RERE: variants seen among roughly 807,000 people sequenced by gnomAD.
RERE encodes arginine-glutamic acid dipeptide repeats.
A neutral mutation model predicts 146.1 loss-of-function variants in RERE; 40 were observed. The ratio of observed to expected loss-of-function variants is 0.27; its 90% CI spans 0.21 to 0.36. The LOEUF (loss-of-function observed/expected upper bound fraction) is 0.36. Among genes scored for constraint, RERE ranks in the 10% least tolerant of loss-of-function variants. RERE has a pLI of 1.00. For synonymous variants in RERE, 1,003 were observed against 866.0 expected (o/e 1.16, Z -2.78); for missense variants, 1,933 against 2,138.7 (o/e 0.90, Z 1.90).
intron 2 of RERE, among the ~76,000 whole-genome samples, chr1:8,643,144 C>T (rs779519113): frequency 2.6e-5 from 4 of 152,116 alleles, no homozygotes; most frequent in Non-Finnish European, 5.9e-5. Flanking sequence ...ATTGAAAATC[C>T]TAGTGGGCTC....
At chr1:8,452,053 T>C (rs998687562) in intron 11 of RERE, among the ~76,000 whole-genome samples, 8 of 152,224 alleles carry the variant, frequency 5.3e-5, no homozygotes, top group Non-Finnish European at 1.0e-4. Flanking sequence ...AACAACTTGC[T>C]ACTAACCAAC....
At chr1:8,689,426 C>T (rs981170651) in intron 1 of RERE, among the ~76,000 whole-genome samples, 5 of 152,164 alleles carry the variant, frequency 3.3e-5, no homozygotes, top group African/African-American at 1.2e-4. Context: ...ATCAGCAAGA[C>T]TGAGTAACAA....
At chr1:8,363,446 C>T (rs1271502732) in intron 15 of RERE, among the ~76,000 whole-genome samples, 1 of 152,152 alleles carries the variant, frequency 6.6e-6, no homozygotes, top group Non-Finnish European at 1.5e-5. Context: ...CTGCCAGCAG[C>T]CTCAACGGCA....
chr1:8,613,863 CAA>C (rs2124191270), intron 4 of RERE, among the ~76,000 whole-genome samples: 1 of 152,102 alleles, frequency 6.6e-6, no homozygotes, highest in East Asian at 1.9e-4. Flanking sequence ...AAAAGGAAGA[CAA>C]GTGTGAACTT....
chr1:8,498,366 A>G (rs1381672308), intron 8 of RERE, among the ~76,000 whole-genome samples: 3 of 151,414 alleles, frequency 2.0e-5, no homozygotes, highest in East Asian at 1.9e-4. Flanking sequence ...TCTCAAAAAT[A>G]AAATAAAATT....
At chr1:8,607,548 T>C (rs1350894410) in intron 4 of RERE, among the ~76,000 whole-genome samples, 1 of 102,820 alleles carries the variant, frequency 9.7e-6, no homozygotes, top group South Asian at 3.3e-4. Context: ...TTTTTTTTTT[T>C]TTTTTTTTTT....
At chr1:8,471,109 G>A (rs373894872) in intron 10 of RERE, among the ~76,000 whole-genome samples, 70 of 152,090 alleles carry the variant, frequency 4.6e-4, no homozygotes, top group African/African-American at 1.5e-3. Flanking sequence ...CAGCCACAGC[G>A]CCCAGCCTTT....
chr1:8,586,061 G>A (rs1646424028), intron 4 of RERE, among the ~76,000 whole-genome samples: 1 of 152,096 alleles, frequency 6.6e-6, no homozygotes, highest in African/African-American at 2.4e-5. Flanking sequence ...AGAAATGCAG[G>A]GGTCAGAGGC....
At chr1:8,661,027 A>C (rs764534331) in intron 1 of RERE, among the ~76,000 whole-genome samples, 1 of 152,184 alleles carries the variant, frequency 6.6e-6, no homozygotes, top group Non-Finnish European at 1.5e-5. Context: ...GAGAGAGACC[A>C]CCAACAAAAG....
intron 4 of RERE, among the ~76,000 whole-genome samples, chr1:8,575,436 C>T (rs1646279692): frequency 6.9e-6 from 1 of 145,130 alleles, no homozygotes; most frequent in Non-Finnish European, 1.5e-5. Flanking sequence ...GGCTGGAGTG[C>T]ACTGGTGCAA....
chr1:8,358,236 G>A lies in RERE; in HGVS notation c.4299C>T (p.His1433=). 6.2e-6 allele frequency: 10 copies of A among 1,606,724 alleles called. No homozygotes were observed. The highest frequency in any genetic ancestry group is 7.7e-6 in the Non-Finnish European group (9 of 1,173,890). The stretch of plus-strand genomic sequence containing the variant: ...CCTGCTGGTGGAGGTGGAGGTGGGA[G>A]TGAATGTGAGAGTGCTGGTGATGGT... The part of the protein sequence containing the change: ...TPHHHQHSHI[H]SHLHLHQQDP... Residue 1433 remains histidine, a synonymous_variant, in exon 20 of 23, where the codon CAC becomes CAT. Transcript: ENST00000400908.
Position 8,809,266 on chromosome 1 carries a change from GTA to G in RERE, c.-145+7892_-145+7893del, listed in dbSNP as rs1244331542. 2.6e-5 allele frequency among the ~76,000 whole-genome samples: 4 copies of G among 151,604 alleles called. No homozygotes were observed. The South Asian group carries it at 8.3e-4, about 32-fold the overall frequency. ...GATAATACAGTAAGGTAGTATTTGT[GTA>G]TATTATAGATATACAACATATATTA... On this transcript the variant is annotated intron_variant, in intron 1 of 22. Coordinates refer to ENST00000400908, the MANE Select transcript of RERE (RefSeq NM_001042681.2).
At position 8,353,561 on chromosome 1, in the gene RERE, G is replaced by A. The variant is rs1400992121; in HGVS notation, c.*1526C>T. 1 of 152,270 alleles carries A rather than the reference G, an allele frequency of 6.6e-6. No individual in the cohort carries two copies. Among genetic ancestry groups the A allele is most frequent in the Non-Finnish European group, 1.5e-5 (1 of 68,172 alleles). The allele number at this position is 152,270 out of a possible 1,614,324, so 9.4% of individuals were successfully genotyped here. A position where few individuals can be genotyped will look rare whatever the true frequency, so the allele number is the denominator to read the frequency against. ...CTGGCAGGAAGCAGGGCCGACAGAG[G>A]GCAGACACCCCAGAACACCCGCCCT... On this transcript the variant is annotated 3_prime_UTR_variant, in exon 23 of 23. Coordinates refer to ENST00000400908, the MANE Select transcript of RERE (RefSeq NM_001042681.2).
Position 8,599,124 on chromosome 1 carries a change from A to T in RERE, c.522+15437T>A, listed in dbSNP as rs544580855. On this transcript the variant is annotated intron_variant, in intron 4 of 22. Transcript: ENST00000400908. ...GAGGCTCGCCTTCTCTTTGCTCCCT[A>T]GCCATCACACTACACTGGGATGAGA... 6.6e-5 allele frequency among the ~76,000 whole-genome samples: 10 copies of T among 152,286 alleles called. No individual in the cohort carries two copies. In the South Asian group the frequency reaches 2.1e-3, roughly 32 times the overall value.
chr1:8,552,154 T>C (rs1306195499), intron 6 of RERE, among the ~76,000 whole-genome samples: 1 of 152,242 alleles, frequency 6.6e-6, no homozygotes, highest in African/African-American at 2.4e-5. Flanking sequence ...GAAAAAGCTA[T>C]AATCTCACAA....
intron 1 of RERE, among the ~76,000 whole-genome samples, chr1:8,720,557 GA>G (rs1639844404): frequency 6.6e-6 from 1 of 152,056 alleles, no homozygotes; most frequent in Non-Finnish European, 1.5e-5. Context: ...GAACAAGAAC[GA>G]GCAAGAGAGA....
At chr1:8,710,172 A>G (rs1304014448) in intron 1 of RERE, among the ~76,000 whole-genome samples, 1 of 152,202 alleles carries the variant, frequency 6.6e-6, no homozygotes, top group Non-Finnish European at 1.5e-5. Context: ...AGGCCCACAT[A>G]TGCAAATGCC....
At chr1:8,684,804 A>G (rs1639048614) in intron 1 of RERE, among the ~76,000 whole-genome samples, 1 of 151,784 alleles carries the variant, frequency 6.6e-6, no homozygotes, top group Admixed American at 6.6e-5. Context: ...CAGAAGCTAA[A>G]TACCAGCAAT....
chr1:8,390,374 C>T (rs1306907828), intron 12 of RERE, among the ~76,000 whole-genome samples: 1 of 152,204 alleles, frequency 6.6e-6, no homozygotes, highest in African/African-American at 2.4e-5. Flanking sequence ...CATGGTTCAG[C>T]GCCCTGGTAG....
Sources: gnomAD v4.1 joint callset for allele counts (sites outside exome capture counted in the v4.1 genomes callset) on GRCh38, gnomAD v4.1.1 for gene constraint, MANE v1.5 for transcripts, NCBI Gene and HGNC (gene_info 2026-07-23, HGNC 2026-07-21) for gene names.